The following TUSC3 variants were observed in gnomAD, a reference collection of about 807,000 sequenced individuals.
TUSC3 encodes dolichyl-diphosphooligosaccharide--protein glycosyltransferase subunit TUSC3.
TUSC3 carries 45 observed loss-of-function variants against 44.8 expected under a neutral mutation model. The observed-to-expected ratio is 1.00, with a 90% confidence interval of 0.79 to 1.29. The LOEUF (loss-of-function observed/expected upper bound fraction) is 1.29, where lower values mean the gene tolerates loss of function less well. Among genes scored for constraint, TUSC3 ranks in the 50% most tolerant of loss-of-function variants. TUSC3 has a pLI of 0.00. For missense variants in TUSC3, 519 were observed against 437.9 expected (o/e 1.19, Z -1.65); for synonymous variants, 212 against 152.9 (o/e 1.39, Z -2.85).
At chr8:15,440,173 TC>T (rs1800002096) in intron 1 of TUSC3, among the ~76,000 whole-genome samples, 1 of 152,210 alleles carries the variant, frequency 6.6e-6, no homozygotes, top group Admixed American at 6.5e-5. Flanking sequence ...AAATGAGGCT[TC>T]AGCTGAGGGC....
At chr8:15,572,763 G>A (rs551328303) in intron 1 of TUSC3, among the ~76,000 whole-genome samples, 5 of 152,162 alleles carry the variant, frequency 3.3e-5, no homozygotes, top group African/African-American at 9.6e-5. Context: ...TATGCTTTAG[G>A]CAATAGGAAC....
intron 1 of TUSC3, among the ~76,000 whole-genome samples, chr8:15,457,214 G>GT (rs1800268543): frequency 1.3e-5 from 2 of 151,980 alleles, no homozygotes; most frequent in South Asian, 2.1e-4. Flanking sequence ...TACACCTAAA[G>GT]TAAATGACGA....
At chr8:15,642,807 A>C (rs1327949347) in intron 2 of TUSC3, among the ~76,000 whole-genome samples, 1 of 149,988 alleles carries the variant, frequency 6.7e-6, no homozygotes, top group Non-Finnish European at 1.5e-5. Context: ...TTAAGATTAT[A>C]AGTGTTATAA....
At chr8:15,700,393 G>T (rs978847231) in intron 6 of TUSC3, among the ~76,000 whole-genome samples, 7 of 152,126 alleles carry the variant, frequency 4.6e-5, no homozygotes, top group African/African-American at 1.7e-4. Flanking sequence ...ATTTCTGATA[G>T]AATATGAGAC....
chr8:15,662,146 A>G lies in TUSC3; in HGVS notation c.568-10A>G, dbSNP rs374654669. ...CTTTCATTTTTGAAATTTCTATTGC[A>G]TTTTTGCAGATTCGGGTTTTCAGAC... On this transcript the variant is annotated splice_polypyrimidine_tract_variant and intron_variant, in intron 4 of 10. Transcript: ENST00000503731. The G allele has an allele frequency of 3.1e-6, 5 of 1,612,250 alleles. No homozygotes were observed. The highest frequency in any genetic ancestry group is 4.2e-6 in the Non-Finnish European group (5 of 1,178,906).
At chr8:15,702,685 A>G (rs997942597) in intron 6 of TUSC3, among the ~76,000 whole-genome samples, 1 of 152,162 alleles carries the variant, frequency 6.6e-6, no homozygotes, top group Non-Finnish European at 1.5e-5. Flanking sequence ...GTTGAATACT[A>G]TTCTCCAGAT....
chr8:15,610,306 A>G (rs1804705441), intron 1 of TUSC3, among the ~76,000 whole-genome samples: 2 of 152,168 alleles, frequency 1.3e-5, no homozygotes, highest in Admixed American at 6.5e-5. Flanking sequence ...GTTTTCGCTG[A>G]TAAAATTAAG....
chr8:15,588,635 C>A (rs1049841398), intron 1 of TUSC3, among the ~76,000 whole-genome samples: 1 of 152,134 alleles, frequency 6.6e-6, no homozygotes, highest in Non-Finnish European at 1.5e-5. Context: ...TTGCTCAGAA[C>A]AAAGTCCTGA....
chr8:15,511,061 A>G (rs1428021379), intron 2 of TUSC3, among the ~76,000 whole-genome samples: 1 of 152,222 alleles, frequency 6.6e-6, no homozygotes, highest in Non-Finnish European at 1.5e-5. Flanking sequence ...GGAATAGAAG[A>G]TAACGTCCTC....
intron 1 of TUSC3, among the ~76,000 whole-genome samples, chr8:15,596,509 T>G (rs541303748): frequency 6.6e-6 from 1 of 152,228 alleles, no homozygotes; most frequent in African/African-American, 2.4e-5. Flanking sequence ...TATATGCGGA[T>G]TTTGGCGTGT....
At chr8:15,705,409 GA>G (rs1809576177) in intron 6 of TUSC3, among the ~76,000 whole-genome samples, 1 of 151,984 alleles carries the variant, frequency 6.6e-6, no homozygotes. Context: ...GTAGAAATCA[GA>G]ATGAATATAG....
At chr8:15,849,450 T>A in the TUSC3 span, among the ~76,000 whole-genome samples, 19 of 152,266 alleles carry the variant, frequency 1.2e-4, no homozygotes, top group African/African-American at 4.3e-4. Flanking sequence ...AGTTTCCACA[T>A]GGTGAAACTG....
At chr8:15,464,310 G>A (rs1800387342) in intron 1 of TUSC3, among the ~76,000 whole-genome samples, 2 of 152,122 alleles carry the variant, frequency 1.3e-5, no homozygotes, top group Non-Finnish European at 2.9e-5. Flanking sequence ...CAAGCCCTGA[G>A]CACTTGATAA....
intron 2 of TUSC3, among the ~76,000 whole-genome samples, chr8:15,531,503 C>T (rs1038841945): frequency 2.6e-5 from 4 of 152,170 alleles, no homozygotes; most frequent in African/African-American, 4.8e-5. Flanking sequence ...CCACCTGCCT[C>T]GGCCTCCCAA....
chr8:15,637,658 T>G (rs115979846), intron 2 of TUSC3, among the ~76,000 whole-genome samples: 300 of 152,286 alleles, frequency 2.0e-3, no homozygotes, highest in African/African-American at 6.9e-3. Context: ...TCTTAAAACT[T>G]TTTTTTTACC....
At chr8:15,641,519 G>A (rs1806371611) in intron 2 of TUSC3, among the ~76,000 whole-genome samples, 1 of 152,202 alleles carries the variant, frequency 6.6e-6, no homozygotes, top group Non-Finnish European at 1.5e-5. Context: ...GTCTGAAAAT[G>A]CAAATAGTCA....
chr8:15,771,948 G>A, the TUSC3 span, among the ~76,000 whole-genome samples: 1 of 152,102 alleles, frequency 6.6e-6, no homozygotes, highest in African/African-American at 2.4e-5. Context: ...AATTAGCCAG[G>A]TGTGGTAGAG....
intron 2 of TUSC3, among the ~76,000 whole-genome samples, chr8:15,516,843 A>C (rs1801222469): frequency 6.6e-6 from 1 of 152,180 alleles, no homozygotes; most frequent in South Asian, 2.1e-4. Flanking sequence ...TTTCCAAATG[A>C]GTCTATGATT....
intron 1 of TUSC3, among the ~76,000 whole-genome samples, chr8:15,596,027 G>A (rs530138927): frequency 6.6e-6 from 1 of 152,262 alleles, no homozygotes; most frequent in South Asian, 2.1e-4. Flanking sequence ...CAAGGTTATA[G>A]CCAGTATTCT....
Sources: allele counts gnomAD v4.1 joint callset (sites outside exome capture counted in the v4.1 genomes callset), GRCh38; gene constraint gnomAD v4.1.1; transcripts MANE v1.5; gene names NCBI Gene and HGNC (gene_info 2026-07-23, HGNC 2026-07-21).